Variants in MS4A10 observed in about 807,000 individuals in gnomAD.
The protein encoded by MS4A10 is membrane-spanning 4-domains subfamily A member 10.
MS4A10 carries 27 observed loss-of-function variants against 27.7 expected under a neutral mutation model. That is an observed-to-expected ratio of 0.98 (90% CI 0.72 to 1.35). MS4A10 has a LOEUF of 1.35. Ranked by LOEUF, MS4A10 falls within the 40% of genes most tolerant of loss-of-function variation. MS4A10 has a pLI of 0.00. For synonymous variants in MS4A10, 139 were observed against 131.2 expected, an observed-to-expected ratio of 1.06 and a Z score of -0.41; for missense variants, 338 against 324.7, an observed-to-expected ratio of 1.04 and a Z score of -0.32.
intron 1 of MS4A10, 67 bp downstream of exon 1, chr11:60,785,488 T>A (rs1854320573): frequency 6.6e-6 from 1 of 151,926 alleles, no homozygotes; most frequent in African/African-American, 2.4e-5. Context: ...AGTTGGGGGG[T>A]TGCTCAGGTG....
Position 60,795,545 on chromosome 11 carries a change from A to C in MS4A10, c.493-10A>C, listed in dbSNP as rs2134755254. 1 of 1,518,196 alleles carries C rather than the reference A, an allele frequency of 6.6e-7. No individual in the cohort carries two copies. 94.0% of individuals were successfully genotyped at this position (1,518,196 alleles called of 1,614,324 possible). A position where few individuals can be genotyped will look rare whatever the true frequency, so the allele number is the denominator to read the frequency against. On this transcript the variant is annotated splice_polypyrimidine_tract_variant and intron_variant, in intron 5 of 7. Coordinates refer to ENST00000308287, the MANE Select transcript of MS4A10 (RefSeq NM_206893.4). ...GCCTCACCCTGCCTTCCTTCCCTCT[A>C]CCCTCTCAGGTCCACATCCAGAGGC...
At chr11:60,794,901 T>A (rs1590999686) in intron 5 of MS4A10, among the ~76,000 whole-genome samples, 1 of 152,130 alleles carries the variant, frequency 6.6e-6, no homozygotes, top group Non-Finnish European at 1.5e-5. Context: ...GCCAGGCAGG[T>A]CTCGAACTCC....
At chr11:60,790,285 T>C in intron 1 of MS4A10, 29 bp from the exon 2 acceptor site, 1 of 1,591,282 alleles carries the variant, frequency 6.3e-7, no homozygotes, top group Non-Finnish European at 8.6e-7. Flanking sequence ...ATGAGACGGG[T>C]TCTGACGGCC....
At chr11:60,798,016 TG>T (rs1447778823) in intron 6 of MS4A10, among the ~76,000 whole-genome samples, 2 of 152,222 alleles carry the variant, frequency 1.3e-5, no homozygotes, top group Non-Finnish European at 2.9e-5. Context: ...CAGCAATCAT[TG>T]GCAGACACTG....
intron 6 of MS4A10, among the ~76,000 whole-genome samples, chr11:60,796,766 T>C (rs1424106244): frequency 1.3e-5 from 2 of 152,140 alleles, no homozygotes; most frequent in Non-Finnish European, 2.9e-5. Context: ...GGGCTAGATA[T>C]ATTTTAAAAT....
Position 60,800,167 on chromosome 11 carries a change from T to C in MS4A10, c.*258T>C. 1.9e-6 allele frequency: 1 copy of C among 513,920 alleles called. No individual in the cohort carries two copies. Among genetic ancestry groups the C allele is most frequent in the South Asian group, 2.5e-5 (1 of 39,332 alleles). The allele number at this position is 513,920 out of a possible 1,614,324, so 31.8% of individuals were successfully genotyped here. On this transcript the variant is annotated 3_prime_UTR_variant, in exon 8 of 8. Coordinates refer to ENST00000308287, the MANE Select transcript of MS4A10 (RefSeq NM_206893.4). ...CTTTGTTTTGTTTTCTTTTGTTTTG[T>C]TGAGATGGAGTCTCGCTCTGTTGCC...
intron 5 of MS4A10, 73 bp downstream of exon 5, chr11:60,794,176 TC>T: frequency 6.3e-7 from 1 of 1,584,358 alleles, no homozygotes; most frequent in Non-Finnish European, 8.6e-7. Flanking sequence ...ACAGGAGGTT[TC>T]CAGCTCACAG....
At chr11:60,790,660 A>C in intron 2 of MS4A10, 142 bp downstream of exon 2, 1 of 987,032 alleles carries the variant, frequency 1.0e-6, no homozygotes, top group Non-Finnish European at 1.5e-6. Flanking sequence ...GAACTGGAAA[A>C]GGCCTTGAAG....
In MS4A10 at chr11:60,800,784, C is replaced by CT. The variant is rs202230321; in HGVS notation, c.*902dup. On this transcript the variant is annotated 3_prime_UTR_variant, in exon 8 of 8. Coordinates refer to ENST00000308287, the MANE Select transcript of MS4A10 (RefSeq NM_206893.4). ...AAATGTTTAGGACAACCCAGTCTTT[C>CT]TTTTTTTTTTTTTTTTTTTTTTTTT... The CT allele has an allele frequency of 8.2e-5, 9 of 109,298 alleles. No homozygotes were observed. The highest frequency in any genetic ancestry group is 2.2e-4 in the African/African-American group (7 of 31,220). The allele number at this position is 109,298 out of a possible 1,614,324, so 6.8% of individuals were successfully genotyped here. A position where few individuals can be genotyped will look rare whatever the true frequency, so the allele number is the denominator to read the frequency against.
chr11:60,792,399 G>C (rs576898483), intron 4 of MS4A10, 78 bp downstream of exon 4: 7 of 1,089,090 alleles, frequency 6.4e-6, no homozygotes, highest in Non-Finnish European at 9.9e-6. Flanking sequence ...CTGTAGGGGT[G>C]ATTGTGAGGG....
At chr11:60,795,278 C>T (rs769338466) in intron 5 of MS4A10, among the ~76,000 whole-genome samples, 7 of 152,256 alleles carry the variant, frequency 4.6e-5, no homozygotes, top group East Asian at 3.9e-4. Flanking sequence ...TTCATTCTTA[C>T]CAGGGACCCA....
intron 3 of MS4A10, among the ~76,000 whole-genome samples, chr11:60,791,547 C>A (rs1014031398): frequency 3.3e-5 from 5 of 152,178 alleles, no homozygotes; most frequent in Non-Finnish European, 7.3e-5. Flanking sequence ...GACACTGGAC[C>A]AGTGCATGCA....
rs368382320 is a variant in MS4A10, at chr11:60,799,862, T to C, written c.757T>C (p.Trp253Arg). 59 of 1,604,928 alleles carry C rather than the reference T, an allele frequency of 3.7e-5. 1 individual carries two copies. The highest frequency in any genetic ancestry group is 3.3e-4 in the East Asian group (15 of 44,848). Residue 253 changes from tryptophan to arginine, a missense_variant, in exon 8 of 8, where the codon TGG becomes CGG. Coordinates refer to ENST00000308287, the MANE Select transcript of MS4A10 (RefSeq NM_206893.4). ...AGTTAAGCAAGTTGCCCCGGACACA[T>C]GGATAGTCACTGACGGAGCTGCGAT... ...REVKQVAPDT[W>R]IVTDGAAIWT...
In MS4A10 at chr11:60,795,633, A is replaced by G; in HGVS notation, c.571A>G (p.Thr191Ala). The part of the protein sequence containing the change: ...ELFLPVPTAV[T>A]AWRGDCPSAK... ...CTTCCTGCCAGTGCCCACAGCTGTC[A>G]CAGCCTGGAGAGGGGACTGCCCATC... The change falls in exon 6 of 8, where the codon ACA (threonine) becomes GCA (alanine). Residue 191 changes from threonine to alanine, a missense_variant. Transcript: ENST00000308287. 2 of 1,594,056 alleles carry G rather than the reference A, an allele frequency of 1.3e-6. No individual in the cohort carries two copies. Among genetic ancestry groups the G allele is most frequent in the Non-Finnish European group, 1.7e-6 (2 of 1,170,086 alleles).
intron 6 of MS4A10, among the ~76,000 whole-genome samples, chr11:60,797,278 G>A (rs1459044891): frequency 6.6e-6 from 1 of 152,192 alleles, no homozygotes; most frequent in Non-Finnish European, 1.5e-5. Flanking sequence ...TCCAGGCACT[G>A]TGCTAGTGCT....
chr11:60,800,010 G>T lies in MS4A10; in HGVS notation c.*101G>T. On this transcript the variant is annotated 3_prime_UTR_variant, in exon 8 of 8. Coordinates refer to ENST00000308287, the MANE Select transcript of MS4A10 (RefSeq NM_206893.4). The stretch of plus-strand genomic sequence containing the variant: ...AAGATGAGATTTGCACATACAAAAG[G>T]CTAGAGCGATGGTCTATACAGCAAA... 1 of 1,585,904 alleles carries T rather than the reference G, an allele frequency of 6.3e-7. No homozygotes were observed. Among genetic ancestry groups the T allele is most frequent in the Non-Finnish European group, 8.6e-7 (1 of 1,162,966 alleles).
chr11:60,793,190 C>A (rs915688730), intron 4 of MS4A10, among the ~76,000 whole-genome samples: 1 of 152,200 alleles, frequency 6.6e-6, no homozygotes, highest in Non-Finnish European at 1.5e-5. Context: ...TCTCAGAGGG[C>A]ATACAGAATA....
chr11:60,789,051 C>T (rs1854383969), intron 1 of MS4A10, among the ~76,000 whole-genome samples: 1 of 152,194 alleles, frequency 6.6e-6, no homozygotes, highest in Non-Finnish European at 1.5e-5. Context: ...CCCTTCCTTT[C>T]CCCTCTACCC....
chr11:60,788,230 T>G (rs1206965150), intron 1 of MS4A10, among the ~76,000 whole-genome samples: 1 of 152,170 alleles, frequency 6.6e-6, no homozygotes, highest in South Asian at 2.1e-4. Context: ...TCAGGACCAA[T>G]GTTCCATGGA....
Sources: allele counts gnomAD v4.1 joint callset (sites outside exome capture counted in the v4.1 genomes callset), GRCh38; gene constraint gnomAD v4.1.1; transcripts MANE v1.5; gene names NCBI Gene and HGNC (gene_info 2026-07-23, HGNC 2026-07-21).